The following ADAM2 variants were observed in gnomAD, a reference collection of about 807,000 sequenced individuals.
ADAM2 encodes disintegrin and metalloproteinase domain-containing protein 2.
ADAM2 carries 101 observed loss-of-function variants against 99.3 expected under a neutral mutation model. The ratio of observed to expected loss-of-function variants is 1.02; its 90% CI spans 0.87 to 1.20. ADAM2 has a LOEUF of 1.20. ADAM2 is among the 50% of genes most tolerant of loss of function. The pLI is 0.00. For synonymous variants in ADAM2, 323 were observed against 287.6 expected, an observed-to-expected ratio of 1.12 and a Z score of -1.25; for missense variants, 948 against 878.7, an observed-to-expected ratio of 1.08 and a Z score of -1.00.
intron 6 of ADAM2, among the ~76,000 whole-genome samples, chr8:39,820,782 T>C (rs372898958): frequency 2.0e-5 from 3 of 152,268 alleles, no homozygotes; most frequent in East Asian, 3.9e-4. Context: ...AAGATGCCAC[T>C]AACAGTTGAA....
chr8:39,816,462 T>C (rs902991452), intron 6 of ADAM2, among the ~76,000 whole-genome samples: 1 of 152,144 alleles, frequency 6.6e-6, no homozygotes, highest in Non-Finnish European at 1.5e-5. Context: ...ATCTTAGTAA[T>C]TACCTAGAGA....
chr8:39,791,812 T>G (rs1226638275), intron 7 of ADAM2, among the ~76,000 whole-genome samples: 1 of 151,962 alleles, frequency 6.6e-6, no homozygotes, highest in Non-Finnish European at 1.5e-5. Flanking sequence ...TCTTATCTTA[T>G]ATGCAAAGGT....
intron 3 of ADAM2, among the ~76,000 whole-genome samples, chr8:39,826,459 C>T (rs532253017): frequency 1.3e-5 from 2 of 152,152 alleles, no homozygotes; most frequent in Non-Finnish European, 2.9e-5. Context: ...AGCAGTGGCT[C>T]ACGCCTGTAA....
intron 14 of ADAM2, among the ~76,000 whole-genome samples, chr8:39,763,457 C>A (rs10105703): frequency 6.6e-6 from 1 of 151,964 alleles, no homozygotes; most frequent in African/African-American, 2.4e-5. Context: ...CTTGGAGTGA[C>A]CTATGTTCAT....
At chr8:39,829,486 T>C (rs1805534572) in intron 3 of ADAM2, among the ~76,000 whole-genome samples, 1 of 151,982 alleles carries the variant, frequency 6.6e-6, no homozygotes, top group Admixed American at 6.6e-5. Flanking sequence ...GAGAAATACA[T>C]ATCAAATCAC....
chr8:39,753,202 C>T (rs751829911), intron 16 of ADAM2, among the ~76,000 whole-genome samples: 10 of 152,092 alleles, frequency 6.6e-5, no homozygotes, highest in Non-Finnish European at 1.3e-4. Context: ...CTTAGATGGT[C>T]TCAGATGGAA....
At position 39,809,467 on chromosome 8, in the gene ADAM2, C is replaced by G. The variant is rs754258590; in HGVS notation, c.514-1G>C. 7.1e-7 allele frequency: 1 copy of G among 1,402,972 alleles called. No individual in the cohort carries two copies. The highest frequency in any genetic ancestry group is 1.2e-5 in the South Asian group (1 of 80,634). The allele number at this position is 1,402,972 out of a possible 1,614,324, so 86.9% of individuals were successfully genotyped here. ...TATACTTTGCAAAATCTTGCTGTGG[C>G]TGAAAAAATCCACAAATTTTACATC... On this transcript the variant is annotated splice_acceptor_variant, in intron 6 of 20. Transcript: ENST00000265708. LOFTEE classifies it high-confidence loss of function.
intron 10 of ADAM2, among the ~76,000 whole-genome samples, chr8:39,778,373 T>G (rs1405480283): frequency 6.6e-6 from 1 of 152,074 alleles, no homozygotes; most frequent in Admixed American, 6.6e-5. Flanking sequence ...TGATTTTTTC[T>G]AATGGAGAGA....
chr8:39,754,184 G>A (rs1427390149), intron 16 of ADAM2, among the ~76,000 whole-genome samples: 3 of 152,092 alleles, frequency 2.0e-5, no homozygotes, highest in South Asian at 2.1e-4. Context: ...ACTGTGGCAG[G>A]GTACTGCCTG....
chr8:39,817,898 G>A (rs1805019974), intron 6 of ADAM2: 1 of 151,644 alleles, frequency 6.6e-6, no homozygotes, highest in Non-Finnish European at 1.5e-5. Flanking sequence ...TACCTAAATT[G>A]ACTCCAAAAG....
intron 3 of ADAM2, among the ~76,000 whole-genome samples, chr8:39,829,463 T>C (rs1805533645): frequency 6.6e-6 from 1 of 152,004 alleles, no homozygotes; most frequent in African/African-American, 2.4e-5. Flanking sequence ...GTTAGAGAAG[T>C]TACTTACAGT....
intron 14 of ADAM2, among the ~76,000 whole-genome samples, chr8:39,766,350 ATGAAAG>A (rs1426786418): frequency 6.6e-6 from 1 of 152,078 alleles, no homozygotes; most frequent in Admixed American, 6.5e-5. Flanking sequence ...TATTATTTTG[ATGAAAG>A]TAATTAATAA....
intron 3 of ADAM2, among the ~76,000 whole-genome samples, chr8:39,830,976 T>C (rs1805592976): frequency 6.6e-6 from 1 of 152,104 alleles, no homozygotes; most frequent in Admixed American, 6.5e-5. Context: ...CTCCTTCTAC[T>C]GTATGAGGGC....
In ADAM2 at chr8:39,788,759, T is replaced by C. The variant is rs1053139489; in HGVS notation, c.571-19A>G. 7.6e-7 allele frequency: 1 copy of C among 1,312,286 alleles called. No homozygotes were observed. The highest frequency in any genetic ancestry group is 1.0e-6 in the Non-Finnish European group (1 of 962,608). The allele number at this position is 1,312,286 out of a possible 1,614,324, so 81.3% of individuals were successfully genotyped here. On this transcript the variant is annotated intron_variant, in intron 7 of 20. Transcript: ENST00000265708. ...GATTATACTGTAAAATATTATTACA[T>C]TTTAGATATAAATATATATTGCTTA...
intron 12 of ADAM2, 151 bp from the exon 13 acceptor site, chr8:39,767,402 C>T (rs781701196): frequency 2.9e-6 from 2 of 693,240 alleles, no homozygotes; most frequent in East Asian, 2.7e-5. Context: ...TATTCATTTA[C>T]TTAACAGACA....
chr8:39,809,437 T>C lies in ADAM2; in HGVS notation c.543A>G (p.Glu181=). ...ATTGTTTTTCAACTATAACATGCAT[T>C]TCTATATACTTTGCAAAATCTTGCT... The part of the protein sequence containing the change: ...EPQQDFAKYI[E]MHVIVEKQLY... The change falls in exon 7 of 21, where the codon GAA becomes GAG. Residue 181 remains glutamate, a synonymous_variant. Transcript: ENST00000265708. The C allele has an allele frequency of 7.1e-7, 1 of 1,407,098 alleles. No homozygotes were observed. The highest frequency in any genetic ancestry group is 9.9e-7 in the Non-Finnish European group (1 of 1,006,860). 87.2% of individuals were successfully genotyped at this position (1,407,098 alleles called of 1,614,324 possible).
intron 18 of ADAM2, among the ~76,000 whole-genome samples, chr8:39,748,246 G>C (rs1173878591): frequency 2.0e-5 from 3 of 152,178 alleles, no homozygotes; most frequent in Non-Finnish European, 2.9e-5. Context: ...GAGAGTCCTA[G>C]AATGTTAGTT....
intron 7 of ADAM2, among the ~76,000 whole-genome samples, chr8:39,790,346 A>G (rs936309977): frequency 6.6e-6 from 1 of 151,988 alleles, no homozygotes; most frequent in Non-Finnish European, 1.5e-5. Flanking sequence ...TTACAGTAAG[A>G]AGAAACGCAG....
intron 10 of ADAM2, among the ~76,000 whole-genome samples, chr8:39,783,266 T>C (rs1248911222): frequency 2.0e-5 from 3 of 152,198 alleles, no homozygotes; most frequent in Admixed American, 6.5e-5. Context: ...GTAAATACTC[T>C]ACATTAGCAA....
Sources: gnomAD v4.1 joint callset for allele counts (sites outside exome capture counted in the v4.1 genomes callset) on GRCh38, gnomAD v4.1.1 for gene constraint, MANE v1.5 for transcripts, NCBI Gene and HGNC (gene_info 2026-07-23, HGNC 2026-07-21) for gene names.